Variants in NOS1AP observed in about 807,000 individuals in gnomAD.
NOS1AP encodes nitric oxide synthase 1 adaptor protein.
A neutral mutation model predicts 56.2 loss-of-function variants in NOS1AP; 21 were observed. The observed-to-expected ratio is 0.37, with a 90% CI of 0.26 to 0.54. The LOEUF (loss-of-function observed/expected upper bound fraction) is 0.54, where lower values mean the gene tolerates loss of function less well. Ranked by LOEUF, NOS1AP falls within the 20% of genes least tolerant of loss-of-function variation. The pLI is 0.84. For synonymous variants in NOS1AP, 270 were observed against 274.6 expected (o/e 0.98, Z 0.17); for missense variants, 522 against 657.8 (o/e 0.79, Z 2.26).
intron 2 of NOS1AP, among the ~76,000 whole-genome samples, chr1:162,169,870 G>A (rs536338137): frequency 2.0e-5 from 3 of 152,218 alleles, no homozygotes; most frequent in Non-Finnish European, 2.9e-5. Flanking sequence ...TGGCCACACC[G>A]AATTTCTTAC....
At chr1:162,199,417 T>C in intron 2 of NOS1AP, among the ~76,000 whole-genome samples, 1 of 152,188 alleles carries the variant, frequency 6.6e-6, no homozygotes, top group East Asian at 1.9e-4. Flanking sequence ...GAAACTGACA[T>C]AGCTGGCTGA....
At chr1:162,121,024 A>G (rs1302307970) in intron 1 of NOS1AP, among the ~76,000 whole-genome samples, 1 of 151,460 alleles carries the variant, frequency 6.6e-6, no homozygotes, top group Non-Finnish European at 1.5e-5. Context: ...GATCACTGCA[A>G]AGTCCTGTCG....
intron 1 of NOS1AP, among the ~76,000 whole-genome samples, chr1:162,093,555 A>G (rs1692177686): frequency 2.0e-5 from 3 of 151,872 alleles, no homozygotes; most frequent in African/African-American, 7.3e-5. Context: ...ATGGCGCTTT[A>G]TTTTATTTTA....
At chr1:162,135,950 T>C (rs1197954810) in intron 1 of NOS1AP, among the ~76,000 whole-genome samples, 2 of 152,390 alleles carry the variant, frequency 1.3e-5, no homozygotes, top group East Asian at 3.8e-4. Flanking sequence ...ACAACTGTTG[T>C]CTAGTGTTGT....
intron 1 of NOS1AP, among the ~76,000 whole-genome samples, chr1:162,136,229 AGGTAGTTCTGG>A (rs1401297516): frequency 1.3e-5 from 2 of 152,138 alleles, no homozygotes; most frequent in Non-Finnish European, 2.9e-5. Context: ...TAATAAAGAA[AGGTAGTTCTGG>A]GGCAGGAAAA....
chr1:162,260,110 C>T (rs1189074930), intron 2 of NOS1AP, among the ~76,000 whole-genome samples: 2 of 151,670 alleles, frequency 1.3e-5, no homozygotes, highest in Admixed American at 1.3e-4. Context: ...TATATCAAGG[C>T]AGTGATAGAG....
chr1:162,292,388 T>C (rs1214697019), intron 3 of NOS1AP, among the ~76,000 whole-genome samples: 1 of 152,214 alleles, frequency 6.6e-6, no homozygotes, highest in Non-Finnish European at 1.5e-5. Flanking sequence ...TGAGAACAGC[T>C]AATAGTAATA....
At chr1:162,169,296 C>A (rs2102126072) in intron 2 of NOS1AP, among the ~76,000 whole-genome samples, 1 of 152,310 alleles carries the variant, frequency 6.6e-6, no homozygotes, top group East Asian at 1.9e-4. Context: ...GATTAGATTT[C>A]TTTGTTGGCT....
chr1:162,357,602 G>A lies in NOS1AP; in HGVS notation c.939+466G>A, dbSNP rs929615136. 2.0e-5 allele frequency among the ~76,000 whole-genome samples: 3 copies of A among 148,626 alleles called. 1 individual carries two copies. The highest frequency in any genetic ancestry group is 4.6e-5 in the Non-Finnish European group (3 of 65,444). On this transcript the variant is annotated intron_variant, in intron 8 of 9. Transcript: ENST00000361897. Reference sequence around the variant, plus strand: ...TTACTACCCTAGCATCCCAGTCTCCGTGTCTATAACAGGTTTCCCAGCCTT... The same window carrying A: ...TTACTACCCTAGCATCCCAGTCTCCATGTCTATAACAGGTTTCCCAGCCTT...
chr1:162,164,106 T>C (rs1210985402), intron 2 of NOS1AP, among the ~76,000 whole-genome samples: 1 of 152,206 alleles, frequency 6.6e-6, no homozygotes, highest in Admixed American at 6.5e-5. Flanking sequence ...AATGATGTTA[T>C]TGAGTTTCCA....
chr1:162,240,895 C>G (rs915678719), intron 2 of NOS1AP, among the ~76,000 whole-genome samples: 1 of 152,116 alleles, frequency 6.6e-6, no homozygotes, highest in African/African-American at 2.4e-5. Context: ...GGGATGGTCA[C>G]AGTGGAGTAG....
chr1:162,108,845 T>C (rs1317296875), intron 1 of NOS1AP, among the ~76,000 whole-genome samples: 7 of 151,886 alleles, frequency 4.6e-5, no homozygotes, highest in Non-Finnish European at 1.0e-4. Flanking sequence ...CCAATAGATA[T>C]GAAAAAAAAG....
chr1:162,177,411 G>T (rs964478379), intron 2 of NOS1AP, among the ~76,000 whole-genome samples: 1 of 152,110 alleles, frequency 6.6e-6, no homozygotes, highest in African/African-American at 2.4e-5. Flanking sequence ...GGCCCTTTCA[G>T]ATCTTTGGGG....
intron 4 of NOS1AP, among the ~76,000 whole-genome samples, chr1:162,330,064 T>C (rs902009465): frequency 1.3e-5 from 2 of 152,212 alleles, no homozygotes; most frequent in African/African-American, 4.8e-5. Context: ...CTCTGTGTCT[T>C]GTGGGCATGC....
intron 1 of NOS1AP, among the ~76,000 whole-genome samples, chr1:162,141,411 C>T (rs1381983525): frequency 6.6e-6 from 1 of 152,238 alleles, no homozygotes; most frequent in African/African-American, 2.4e-5. Context: ...CACTTTGATT[C>T]TGTAACTTAG....
At chr1:162,167,510 G>A (rs1571088202) in intron 2 of NOS1AP, among the ~76,000 whole-genome samples, 1 of 152,314 alleles carries the variant, frequency 6.6e-6, no homozygotes. Flanking sequence ...CTCCTTGCTT[G>A]GTCAGGACTT....
intron 2 of NOS1AP, among the ~76,000 whole-genome samples, chr1:162,199,841 C>T (rs570461438): frequency 2.0e-4 from 30 of 152,126 alleles, no homozygotes; most frequent in African/African-American, 7.0e-4. Flanking sequence ...TTTGATTTGC[C>T]GACTTAAAAT....
chr1:162,357,536 G>T (rs1657743330), intron 8 of NOS1AP, among the ~76,000 whole-genome samples: 1 of 152,028 alleles, frequency 6.6e-6, no homozygotes, highest in African/African-American at 2.4e-5. Flanking sequence ...TCTTAAAACA[G>T]CTTAAAGTAT....
At position 162,188,446 on chromosome 1, in the gene NOS1AP, C is replaced by T. The variant is rs780924658; in HGVS notation, c.177+33970C>T. On this transcript the variant is annotated intron_variant, in intron 2 of 9. Coordinates refer to ENST00000361897, the MANE Select transcript of NOS1AP (RefSeq NM_014697.3). This position sits in a 1 kb window ranked among gnomAD's most constrained non-coding sequence, Gnocchi z 4.0. Reference sequence around the variant, plus strand: ...TGTTAATATCTTATAAGACCTGGATCACTTGCTTTATTGAAATGGGATTTT... The same window carrying T: ...TGTTAATATCTTATAAGACCTGGATTACTTGCTTTATTGAAATGGGATTTT... 1.3e-5 allele frequency among the ~76,000 whole-genome samples: 2 copies of T among 152,132 alleles called. No individual in the cohort carries two copies. Among genetic ancestry groups the T allele is most frequent in the Admixed American group, 6.5e-5 (1 of 15,282 alleles).
Sources: allele counts gnomAD v4.1 joint callset (sites outside exome capture counted in the v4.1 genomes callset), GRCh38; gene constraint gnomAD v4.1.1; non-coding constraint Gnocchi (gnomAD v3.1); transcripts MANE v1.5; gene names NCBI Gene and HGNC (gene_info 2026-07-23, HGNC 2026-07-21).